Variants in NTNG2 observed in about 807,000 individuals in gnomAD.
NTNG2 encodes netrin-G2.
NTNG2 carries 15 observed loss-of-function variants against 47.6 expected under a neutral mutation model. That is an observed-to-expected ratio of 0.32 (90% confidence interval 0.21 to 0.49). The LOEUF is 0.49. Among genes scored for constraint, NTNG2 ranks in the 20% least tolerant of loss-of-function variants. The pLI, the probability that NTNG2 is intolerant of heterozygous loss-of-function variation, is 0.99. For missense variants in NTNG2, 578 were observed against 764.6 expected, an observed-to-expected ratio of 0.76 and a Z score of 2.88; for synonymous variants, 307 against 324.6, an observed-to-expected ratio of 0.95 and a Z score of 0.58.
rs539554980 is a variant in NTNG2 at position 132,164,529 on chromosome 9, G to A, written c.-483-1820G>A. On this transcript the variant is annotated intron_variant, in intron 1 of 7. Coordinates refer to ENST00000393229, the MANE Select transcript of NTNG2 (RefSeq NM_032536.4). ...GTCGACTGCTGGAAGAATTAATTAG[G>A]AACGTGCTGTGCTCTGGGCAGCGCG... Among the ~76,000 whole-genome samples, 357 of 152,346 alleles carry A rather than the reference G, an allele frequency of 2.3e-3. 1 individual carries two copies. The highest frequency in any genetic ancestry group is 8.3e-3 in the African/African-American group (345 of 41,588).
Position 132,242,278 on chromosome 9 carries a change from C to T in NTNG2, c.*167C>T, listed in dbSNP as rs577846884. On this transcript the variant is annotated 3_prime_UTR_variant, in exon 8 of 8. Coordinates refer to ENST00000393229, the MANE Select transcript of NTNG2 (RefSeq NM_032536.4). This position sits in a 1 kb window ranked among gnomAD's most constrained non-coding sequence, Gnocchi z 5.9. ...CCCGCGCTCCCGCCCGCACTGCCCT[C>T]CCCCCGCAGCAGGGGCGCCTTGGGA... 2.2e-4 allele frequency: 45 copies of T among 202,744 alleles called. No individual in the cohort carries two copies. The Admixed American group carries it at 2.7e-3, about 12-fold the overall frequency. 12.6% of individuals were successfully genotyped at this position (202,744 alleles called of 1,614,324 possible). A position where few individuals can be genotyped will look rare whatever the true frequency, so the allele number is the denominator to read the frequency against.
Position 132,187,072 on chromosome 9 carries a change from C to T in NTNG2, c.214-10894C>T, listed in dbSNP as rs73561537. On this transcript the variant is annotated intron_variant, in intron 2 of 7. Transcript: ENST00000393229. ...GAACTGAGATGCATTTTCTGGGTCT[C>T]CTTTTGAGCCGAGGCAGGTTCGAGA... Among the ~76,000 whole-genome samples the T allele has an allele frequency of 8.7e-3, 1,325 of 152,352 alleles. 18 individuals carry two copies. The highest frequency in any genetic ancestry group is 0.03 in the African/African-American group (1,258 of 41,582).
intron 3 of NTNG2, among the ~76,000 whole-genome samples, chr9:132,222,749 C>A (rs1840434220): frequency 6.6e-6 from 1 of 152,168 alleles, no homozygotes; most frequent in Non-Finnish European, 1.5e-5. Context: ...AAGGCGTCAG[C>A]TCAGAAACTC....
rs769570116 is a variant in NTNG2 at position 132,162,569 on chromosome 9, A to AGTGT, written c.-484+375_-484+378dup. ...GTGTGTGTGTGTGAGAGAGAGACAG[A>AGTGT]GTGTGTGTGTGTGTGTGTGTGTGTG... On this transcript the variant is annotated intron_variant, in intron 1 of 7. Coordinates refer to ENST00000393229, the MANE Select transcript of NTNG2 (RefSeq NM_032536.4). This position sits in a 1 kb window ranked among gnomAD's most constrained non-coding sequence, Gnocchi z 4.6. 0.12 allele frequency among the ~76,000 whole-genome samples: 13,872 copies of AGTGT among 112,070 alleles called. 1,154 individuals are homozygous for AGTGT. The highest frequency in any genetic ancestry group is 0.14 in the Non-Finnish European group (7,787 of 55,152). The allele number at this position is 112,070 out of a possible 152,430, so 73.5% of individuals were successfully genotyped here.
rs529633875 is a variant in NTNG2, at chr9:132,203,884, C to T, written c.857+5275C>T. Among the ~76,000 whole-genome samples the T allele has an allele frequency of 2.2e-4, 33 of 152,274 alleles. 1 individual carries two copies. The highest frequency in any genetic ancestry group is 7.5e-4 in the African/African-American group (31 of 41,538). ...AGGAAGCTCCAGGAAGGCAGCCCAGCGGGTCCTTTGCCAGCAGGAACAGGA... is the reference window on the plus strand; with the variant it reads ...AGGAAGCTCCAGGAAGGCAGCCCAGTGGGTCCTTTGCCAGCAGGAACAGGA... On this transcript the variant is annotated intron_variant, in intron 3 of 7. Transcript: ENST00000393229.
chr9:132,205,205 C>T (rs1429743863), intron 3 of NTNG2, among the ~76,000 whole-genome samples: 1 of 152,132 alleles, frequency 6.6e-6, no homozygotes, highest in African/African-American at 2.4e-5. Context: ...AAGGTAGAAA[C>T]AACACAACTG....
chr9:132,202,836 A>C (rs898456654), intron 3 of NTNG2, among the ~76,000 whole-genome samples: 2 of 151,940 alleles, frequency 1.3e-5, no homozygotes, highest in Non-Finnish European at 2.9e-5. Context: ...GTGTCTTTGC[A>C]AAGCTCCTCA....
At chr9:132,175,947 G>A (rs1589380196) in intron 2 of NTNG2, among the ~76,000 whole-genome samples, 1 of 152,058 alleles carries the variant, frequency 6.6e-6, no homozygotes, top group African/African-American at 2.4e-5. Flanking sequence ...CAGACAGAGG[G>A]GTCCTAGATG....
At chr9:132,172,091 C>A (rs984288946) in intron 2 of NTNG2, among the ~76,000 whole-genome samples, 5 of 152,232 alleles carry the variant, frequency 3.3e-5, no homozygotes, top group African/African-American at 1.2e-4. Context: ...GGAGGGCGTG[C>A]CCCTCCCCAT....
At chr9:132,202,234 A>T (rs747248269) in intron 3 of NTNG2, among the ~76,000 whole-genome samples, 2 of 152,202 alleles carry the variant, frequency 1.3e-5, no homozygotes, top group Non-Finnish European at 2.9e-5. Flanking sequence ...GGGGACCCCA[A>T]TGGCAGGCAG....
intron 3 of NTNG2, among the ~76,000 whole-genome samples, chr9:132,210,801 G>C (rs1179779366): frequency 6.6e-6 from 1 of 152,096 alleles, no homozygotes; most frequent in East Asian, 1.9e-4. Flanking sequence ...TCTCAGCAGA[G>C]GGAGCGTGGG....
At chr9:132,168,418 A>G (rs1835652722) in intron 2 of NTNG2, among the ~76,000 whole-genome samples, 1 of 151,934 alleles carries the variant, frequency 6.6e-6, no homozygotes, top group Admixed American at 6.6e-5. Context: ...AGTCCTGAGG[A>G]CTTGATCTCA....
intron 2 of NTNG2, among the ~76,000 whole-genome samples, chr9:132,172,267 C>T (rs1403889344): frequency 6.6e-6 from 1 of 152,224 alleles, no homozygotes; most frequent in African/African-American, 2.4e-5. Flanking sequence ...CCTTCTCTGA[C>T]TCCTTTGCCC....
rs758079957 is a variant in NTNG2 at position 132,198,364 on chromosome 9, C to T, written c.612C>T (p.Gly204=). Residue 204 remains glycine, a synonymous_variant, in exon 3 of 8, where the codon GGC becomes GGT. Transcript: ENST00000393229. ...LCTEEYSRWA[G]SKKEKHVRFE... Reference sequence around the variant, plus strand: ...CCGAGGAGTACTCGCGCTGGGCAGGCTCCAAGAAGGAGAAGCACGTGCGCT... The same window carrying T: ...CCGAGGAGTACTCGCGCTGGGCAGGTTCCAAGAAGGAGAAGCACGTGCGCT... 10 of 1,612,832 alleles carry T rather than the reference C, an allele frequency of 6.2e-6. No individual in the cohort carries two copies. In the South Asian group the frequency reaches 1.1e-4, roughly 18 times the overall value.
intron 3 of NTNG2, among the ~76,000 whole-genome samples, chr9:132,225,176 C>T (rs1353400659): frequency 1.3e-5 from 2 of 152,220 alleles, no homozygotes; most frequent in Non-Finnish European, 2.9e-5. Context: ...CTTGGCCTCC[C>T]AAAGTGCTAG....
chr9:132,225,553 C>T (rs1840693796), intron 3 of NTNG2, among the ~76,000 whole-genome samples: 1 of 152,150 alleles, frequency 6.6e-6, no homozygotes, highest in African/African-American at 2.4e-5. Context: ...TATAGGTGTG[C>T]ACCACCACGC....
intron 5 of NTNG2, among the ~76,000 whole-genome samples, chr9:132,238,585 A>G (rs1841788741): frequency 6.6e-6 from 1 of 152,196 alleles, no homozygotes; most frequent in Non-Finnish European, 1.5e-5. Context: ...CCTCCCAGCC[A>G]TCTTCCAAAG....
intron 2 of NTNG2, among the ~76,000 whole-genome samples, chr9:132,191,052 T>G (rs963990739): frequency 6.6e-6 from 1 of 152,188 alleles, no homozygotes; most frequent in Non-Finnish European, 1.5e-5. Flanking sequence ...CCATGGGTAC[T>G]TAGTGTCTTA....
intron 3 of NTNG2, among the ~76,000 whole-genome samples, chr9:132,207,682 T>G (rs995204422): frequency 1.3e-5 from 2 of 152,140 alleles, no homozygotes; most frequent in South Asian, 4.1e-4. Context: ...AGCAGGCACC[T>G]ATGACATGCT....
Sources: allele counts gnomAD v4.1 joint callset (sites outside exome capture counted in the v4.1 genomes callset), GRCh38; gene constraint gnomAD v4.1.1; non-coding constraint Gnocchi (gnomAD v3.1); transcripts MANE v1.5; gene names NCBI Gene and HGNC (gene_info 2026-07-23, HGNC 2026-07-21).